The following RALA variants were observed in gnomAD, a reference collection of about 807,000 sequenced individuals.
The protein encoded by RALA is RAS like proto-oncogene A.
In RALA, 5 loss-of-function variants were observed where a neutral mutation model predicts 24.0. The observed-to-expected ratio is 0.21, with a 90% CI of 0.11 to 0.44. The LOEUF is 0.44. Ranked by LOEUF, RALA falls within the 20% of genes least tolerant of loss-of-function variation. The probability of loss-of-function intolerance (pLI) is 0.99; values close to 1 mark genes in which losing one functional copy is unlikely to be tolerated. For synonymous variants in RALA, 77 were observed against 83.8 expected (o/e 0.92, Z 0.44); for missense variants, 95 against 241.2 (o/e 0.39, Z 4.01).
Position 39,655,646 on chromosome 7 carries a change from T to G in RALA, c.-37-30985T>G, listed in dbSNP as rs914367545. Among the ~76,000 whole-genome samples, 6 of 152,198 alleles carry G rather than the reference T, an allele frequency of 3.9e-5. No homozygotes were observed. The South Asian group carries it at 1.0e-3, about 26-fold the overall frequency. ...TGTTCTTCTTAAAAAGGTATGTAGA[T>G]CTGAATATAGCATTTGGAAAATAAT... On this transcript the variant is annotated intron_variant, in intron 1 of 4. Transcript: ENST00000005257.
intron 1 of RALA, among the ~76,000 whole-genome samples, chr7:39,670,222 T>G (rs1792356395): frequency 6.6e-6 from 1 of 152,248 alleles, no homozygotes; most frequent in Non-Finnish European, 1.5e-5. Flanking sequence ...CTTAGCTCAT[T>G]GCAGCCTCAA....
chr7:39,686,162 C>T (rs939264982), intron 1 of RALA, among the ~76,000 whole-genome samples: 10 of 149,824 alleles, frequency 6.7e-5, no homozygotes, highest in Admixed American at 3.3e-4. Context: ...GCCGAGATCA[C>T]GCCACTGCAC....
intron 1 of RALA, among the ~76,000 whole-genome samples, chr7:39,642,558 AT>A (rs1489608219): frequency 6.6e-6 from 1 of 152,136 alleles, no homozygotes; most frequent in Non-Finnish European, 1.5e-5. Context: ...GGGGTTATAT[AT>A]TCTGATTTCC....
chr7:39,697,538 G>A (rs1006177965), intron 4 of RALA: 2 of 440,440 alleles, frequency 4.5e-6, no homozygotes, highest in African/African-American at 4.1e-5. Context: ...AGGCCTCCAA[G>A]TGGGGTCTTT....
intron 1 of RALA, among the ~76,000 whole-genome samples, chr7:39,674,053 AT>A (rs56667998): frequency 0.016 from 1,728 of 110,048 alleles, 41 homozygotes; most frequent in African/African-American, 0.049. Context: ...AAATAAATAA[AT>A]AAATAAATAA....
In RALA at chr7:39,707,463, A is replaced by G. The variant is rs1793137844; in HGVS notation, c.*1218A>G. 1 of 152,216 alleles carries G rather than the reference A, an allele frequency of 6.6e-6. No homozygotes were observed. The highest frequency in any genetic ancestry group is 2.4e-5 in the African/African-American group (1 of 41,444). The allele number at this position is 152,216 out of a possible 1,614,324, so 9.4% of individuals were successfully genotyped here. Reference sequence around the variant, plus strand: ...TTCAGAAGTTAACATCAAGCCATCAAACCTGGGTATAGTGCAGAAAACGTG... The same window carrying G: ...TTCAGAAGTTAACATCAAGCCATCAGACCTGGGTATAGTGCAGAAAACGTG... On this transcript the variant is annotated 3_prime_UTR_variant, in exon 5 of 5. Coordinates refer to ENST00000005257, the MANE Select transcript of RALA (RefSeq NM_005402.4).
intron 1 of RALA, among the ~76,000 whole-genome samples, chr7:39,659,648 G>A (rs1031035841): frequency 6.6e-6 from 1 of 152,128 alleles, no homozygotes; most frequent in Non-Finnish European, 1.5e-5. Context: ...GGTAATTTGT[G>A]TGTTATTATT....
chr7:39,626,914 C>T (rs1480826152), intron 1 of RALA, among the ~76,000 whole-genome samples: 1 of 152,116 alleles, frequency 6.6e-6, no homozygotes, highest in Non-Finnish European at 1.5e-5. Flanking sequence ...TAATCATTTT[C>T]TCTGGGTTTA....
At chr7:39,691,971 A>T (rs935895956) in intron 3 of RALA, among the ~76,000 whole-genome samples, 1 of 152,224 alleles carries the variant, frequency 6.6e-6, no homozygotes, top group Non-Finnish European at 1.5e-5. Flanking sequence ...AGGTATTTTC[A>T]TGCAAGAATC....
intron 1 of RALA, among the ~76,000 whole-genome samples, chr7:39,662,113 C>A (rs1274333722): frequency 6.6e-6 from 1 of 152,142 alleles, no homozygotes; most frequent in Non-Finnish European, 1.5e-5. Flanking sequence ...GCACCAAGTC[C>A]CTAGGCTACA....
intron 1 of RALA, among the ~76,000 whole-genome samples, chr7:39,683,737 ATC>A (rs111247348): frequency 0.025 from 3,757 of 152,140 alleles, 89 homozygotes; most frequent in East Asian, 0.14. Context: ...ATCCTTGGAA[ATC>A]TCTGTCTTTT....
At chr7:39,680,020 A>G (rs1282511492) in intron 1 of RALA, among the ~76,000 whole-genome samples, 1 of 151,962 alleles carries the variant, frequency 6.6e-6, no homozygotes, top group Non-Finnish European at 1.5e-5. Flanking sequence ...TCAGTAGTAC[A>G]ATTTTTCAAA....
chr7:39,628,541 C>T (rs893696909), intron 1 of RALA, among the ~76,000 whole-genome samples: 1 of 152,110 alleles, frequency 6.6e-6, no homozygotes, highest in African/African-American at 2.4e-5. Flanking sequence ...AAAGAAACAC[C>T]TAACAGTTTA....
intron 4 of RALA, among the ~76,000 whole-genome samples, chr7:39,705,597 G>A (rs1225408324): frequency 1.3e-5 from 2 of 152,004 alleles, no homozygotes; most frequent in Non-Finnish European, 2.9e-5. Context: ...CAAATACAGA[G>A]TAACAGACAA....
intron 1 of RALA, among the ~76,000 whole-genome samples, chr7:39,685,944 G>A (rs1477470924): frequency 6.6e-6 from 1 of 152,146 alleles, no homozygotes; most frequent in African/African-American, 2.4e-5. Context: ...GGTGGCTCAC[G>A]CCTGTAATCC....
chr7:39,625,327 C>T (rs1791463999), intron 1 of RALA, among the ~76,000 whole-genome samples: 1 of 152,192 alleles, frequency 6.6e-6, no homozygotes, highest in African/African-American at 2.4e-5. Flanking sequence ...GGCATTATAA[C>T]TTGTATTCTA....
At chr7:39,650,029 A>T (rs144506845) in intron 1 of RALA, among the ~76,000 whole-genome samples, 1,992 of 152,304 alleles carry the variant, frequency 0.013, 22 homozygotes, top group Middle Eastern at 0.034. Flanking sequence ...GGAGACAGTG[A>T]GTTTGAGAAA....
chr7:39,660,463 T>C (rs1052641865), intron 1 of RALA, among the ~76,000 whole-genome samples: 1 of 152,248 alleles, frequency 6.6e-6, no homozygotes, highest in Admixed American at 6.5e-5. Context: ...AGAAGGAATA[T>C]TGAATTTTAT....
intron 4 of RALA, chr7:39,700,215 C>T (rs1793001074): frequency 6.6e-6 from 1 of 152,190 alleles, no homozygotes; most frequent in South Asian, 2.1e-4. Flanking sequence ...GTAAAACAGT[C>T]ATTTATTCTG....
Sources: gnomAD v4.1 joint callset for allele counts (sites outside exome capture counted in the v4.1 genomes callset) on GRCh38, gnomAD v4.1.1 for gene constraint, MANE v1.5 for transcripts, NCBI Gene and HGNC (gene_info 2026-07-23, HGNC 2026-07-21) for gene names.